ROBO1: variants seen among roughly 807,000 people sequenced by gnomAD.
ROBO1 encodes the protein roundabout guidance receptor 1, also known as roundabout homolog 1.
Under a neutral mutation model 195.9 loss-of-function variants are expected in ROBO1, and 149 were observed. The ratio of observed to expected loss-of-function variants is 0.76; its 90% CI spans 0.67 to 0.87. The LOEUF (loss-of-function observed/expected upper bound fraction) is 0.87, where lower values mean the gene tolerates loss of function less well. ROBO1 is among the 40% of genes least tolerant of loss of function. The pLI, the probability that ROBO1 is intolerant of heterozygous loss-of-function variation, is 0.00. For missense variants in ROBO1, 1,933 were observed against 2,068.3 expected (o/e 0.93, Z 1.27); for synonymous variants, 816 against 733.2 (o/e 1.11, Z -1.82).
chr3:78,957,483 G>A (rs756918599), intron 3 of ROBO1, among the ~76,000 whole-genome samples: 29 of 152,110 alleles, frequency 1.9e-4, no homozygotes, highest in Non-Finnish European at 3.4e-4. Context: ...ATGGGGGCCC[G>A]TAAACAACCA....
intron 3 of ROBO1, chr3:79,019,590 G>C: frequency 3.1e-6 from 3 of 978,794 alleles, no homozygotes; most frequent in Non-Finnish European, 3.6e-6. Context: ...GGTCAGGCAA[G>C]TTCTGCTCCT....
intron 2 of ROBO1, among the ~76,000 whole-genome samples, chr3:79,389,790 G>C (rs1479491543): frequency 6.6e-6 from 1 of 152,080 alleles, no homozygotes; most frequent in Non-Finnish European, 1.5e-5. Flanking sequence ...CCTGGAAGCT[G>C]TGTTTGAAAA....
chr3:79,584,268 ATATATATATATT>A (rs1943749434), intron 2 of ROBO1, among the ~76,000 whole-genome samples: 1 of 99,408 alleles, frequency 1.0e-5, no homozygotes, highest in Non-Finnish European at 1.9e-5. Flanking sequence ...ATATATATAT[ATATATATATATT>A]ACTACATATA....
intron 4 of ROBO1, among the ~76,000 whole-genome samples, chr3:78,913,300 T>G (rs909789465): frequency 6.6e-6 from 1 of 152,106 alleles, no homozygotes. Context: ...CCCAGCTAAA[T>G]AGAAATCAAA....
At chr3:79,357,223 C>G (rs1395487146) in intron 2 of ROBO1, among the ~76,000 whole-genome samples, 1 of 152,090 alleles carries the variant, frequency 6.6e-6, no homozygotes, top group African/African-American at 2.4e-5. Flanking sequence ...TCTAACAAGT[C>G]ATGAGGGCAC....
chr3:79,062,896 G>T (rs899608626), intron 3 of ROBO1, among the ~76,000 whole-genome samples: 3 of 151,770 alleles, frequency 2.0e-5, no homozygotes, highest in Non-Finnish European at 4.4e-5. Context: ...ACGAGTTGAT[G>T]GGTGCAGCAA....
intron 1 of ROBO1, among the ~76,000 whole-genome samples, chr3:79,758,195 C>T (rs1704508453): frequency 6.6e-6 from 1 of 152,152 alleles, no homozygotes; most frequent in South Asian, 2.1e-4. Flanking sequence ...CAACACTGTC[C>T]AATAGAACTT....
chr3:79,401,090 T>C (rs1199301152), intron 2 of ROBO1, among the ~76,000 whole-genome samples: 1 of 151,786 alleles, frequency 6.6e-6, no homozygotes, highest in Non-Finnish European at 1.5e-5. Context: ...AAATTCAAAT[T>C]GGGTTATTAG....
Position 78,756,573 on chromosome 3 carries a change from A to C in ROBO1, c.500-9673T>G, listed in dbSNP as rs541382449. ...CACACTATATTTGGTGATGGTAGCT[A>C]GTAAGATAAACAAGACAAAGTCTCT... On this transcript the variant is annotated intron_variant, in intron 4 of 30. Coordinates refer to ENST00000464233, the MANE Select transcript of ROBO1 (RefSeq NM_002941.4). Among the ~76,000 whole-genome samples the C allele has an allele frequency of 1.1e-4, 16 of 152,298 alleles. No homozygotes were observed. In the East Asian group the frequency reaches 3.1e-3, roughly 29 times the overall value.
chr3:78,839,020 C>T (rs1214731717), intron 4 of ROBO1, among the ~76,000 whole-genome samples: 4 of 152,136 alleles, frequency 2.6e-5, no homozygotes, highest in Admixed American at 1.3e-4. Context: ...AACAATAAAC[C>T]TTCATTCCAG....
Position 78,770,541 on chromosome 3 carries a change from C to T in ROBO1, c.500-23641G>A, listed in dbSNP as rs576358454. Among the ~76,000 whole-genome samples, 13 of 152,250 alleles carry T rather than the reference C, an allele frequency of 8.5e-5. No individual in the cohort carries two copies. The South Asian group carries it at 2.1e-3, about 24-fold the overall frequency. ...CTGAATACAAGACTCTTGTCAGATACACAAATTGCAAATATATTCTTCCAT... is the reference window on the plus strand; with the variant it reads ...CTGAATACAAGACTCTTGTCAGATATACAAATTGCAAATATATTCTTCCAT... On this transcript the variant is annotated intron_variant, in intron 4 of 30. Transcript: ENST00000464233.
intron 10 of ROBO1, among the ~76,000 whole-genome samples, chr3:78,678,542 A>C (rs968132295): frequency 5.3e-5 from 8 of 152,178 alleles, no homozygotes; most frequent in African/African-American, 1.7e-4. Context: ...GAATACTACA[A>C]ACACCTCTAC....
chr3:78,603,550 G>A (rs1042291781), intron 29 of ROBO1, among the ~76,000 whole-genome samples: 6 of 152,106 alleles, frequency 3.9e-5, no homozygotes, highest in Admixed American at 3.9e-4. Flanking sequence ...CACAGTAGGT[G>A]TTTGATATAT....
At chr3:79,195,484 C>T (rs372302287) in intron 2 of ROBO1, among the ~76,000 whole-genome samples, 1 of 151,582 alleles carries the variant, frequency 6.6e-6, no homozygotes, top group Non-Finnish European at 1.5e-5. Flanking sequence ...TATCTTACCA[C>T]ACCACTACTT....
intron 4 of ROBO1, among the ~76,000 whole-genome samples, chr3:78,814,658 A>G (rs1442344450): frequency 6.6e-6 from 1 of 152,134 alleles, no homozygotes; most frequent in Non-Finnish European, 1.5e-5. Context: ...TTCCTAAGCA[A>G]TATTTTGGCA....
chr3:79,013,992 T>C (rs887313052), intron 3 of ROBO1, among the ~76,000 whole-genome samples: 1 of 152,164 alleles, frequency 6.6e-6, no homozygotes, highest in Non-Finnish European at 1.5e-5. Flanking sequence ...TCTATATACA[T>C]TGAGGCAGTC....
At chr3:79,382,202 T>A (rs2036598545) in intron 2 of ROBO1, among the ~76,000 whole-genome samples, 2 of 152,158 alleles carry the variant, frequency 1.3e-5, no homozygotes, top group African/African-American at 2.4e-5. Flanking sequence ...CACTGGAAAG[T>A]TAGCAATGAA....
intron 2 of ROBO1, among the ~76,000 whole-genome samples, chr3:79,165,856 A>C (rs1056513968): frequency 1.3e-5 from 2 of 152,210 alleles, no homozygotes; most frequent in Non-Finnish European, 2.9e-5. Flanking sequence ...TTAAGTCCAT[A>C]ATCAATTGAC....
intron 3 of ROBO1, among the ~76,000 whole-genome samples, chr3:78,946,038 A>G (rs926282152): frequency 6.6e-6 from 1 of 152,192 alleles, no homozygotes. Context: ...GACCAAATCT[A>G]CGTCTGATTG....
Sources: allele counts gnomAD v4.1 joint callset (sites outside exome capture counted in the v4.1 genomes callset), GRCh38; gene constraint gnomAD v4.1.1; transcripts MANE v1.5; gene names NCBI Gene and HGNC (gene_info 2026-07-23, HGNC 2026-07-21).